THOC7: variants seen among roughly 807,000 people sequenced by gnomAD.
THOC7 encodes NIF3L1-binding protein 1.
A neutral mutation model predicts 33.1 loss-of-function variants in THOC7; 22 were observed. The ratio of observed to expected loss-of-function variants is 0.66; its 90% CI spans 0.47 to 0.95. The LOEUF is 0.95. Ranked by LOEUF, THOC7 falls within the 40% of genes least tolerant of loss-of-function variation. The probability of loss-of-function intolerance (pLI) is 0.00; values close to 1 mark genes in which losing one functional copy is unlikely to be tolerated. For missense variants in THOC7, 184 were observed against 245.3 expected (o/e 0.75, Z 1.67); for synonymous variants, 77 against 76.8 (o/e 1.00, Z -0.01).
chr3:63,842,396 A>C (rs144616686), intron 1 of THOC7, among the ~76,000 whole-genome samples: 91 of 152,332 alleles, frequency 6.0e-4, no homozygotes, highest in African/African-American at 2.1e-3. Context: ...TATGGAAAAC[A>C]AAATGAAGAG....
At chr3:63,835,491 A>G (rs1701612868) in intron 5 of THOC7, 101 bp from the exon 6 acceptor site, 1 of 1,064,744 alleles carries the variant, frequency 9.4e-7, no homozygotes, top group Admixed American at 2.4e-5. Flanking sequence ...TTAAAATAAA[A>G]AAAGGGCTTA....
Position 63,835,339 on chromosome 3 carries a change from T to G in THOC7, c.462A>C (p.Glu154Asp). The G allele has an allele frequency of 6.2e-7, 1 of 1,613,532 alleles. No individual in the cohort carries two copies. The highest frequency in any genetic ancestry group is 1.1e-5 in the South Asian group (1 of 91,034). The change falls in exon 6 of 8, where the codon GAA becomes GAC. Residue 154 changes from glutamate (E) to aspartate (D), a missense_variant. By Grantham distance (45) the Glu-to-Asp change is conservative. Around this residue, in one of 3 missense-constraint regions of THOC7, gnomAD observed 157 missense variants for 201.3 expected, o/e 0.78. Coordinates refer to ENST00000295899, the MANE Select transcript of THOC7 (RefSeq NM_025075.4). ...ATGCGAATACCTTATCTTCAACACT[T>G]TCTTTAATGTGTGAAAGATGCTCTA... ...KELEHLSHIKESVEDKLELRR... is the reference protein window; with the variant it reads ...KELEHLSHIKDSVEDKLELRR...
intron 1 of THOC7, among the ~76,000 whole-genome samples, chr3:63,842,586 A>G (rs1022423349): frequency 1.3e-5 from 2 of 152,194 alleles, no homozygotes; most frequent in African/African-American, 4.8e-5. Flanking sequence ...TTCTAAGTGA[A>G]GTAACTCAGG....
At position 63,863,805 on chromosome 3, in the gene THOC7, C is replaced by T; in HGVS notation, c.-15G>A. ...ACGGCTCCCATGGCGTGCGCGGCGG[C>T]GGCGGCGGCGGCGGCGGCGCAAGCT... On this transcript the variant is annotated 5_prime_UTR_variant, in exon 1 of 8. Transcript: ENST00000295899. 9.0e-7 allele frequency: 1 copy of T among 1,110,930 alleles called. No homozygotes were observed. The highest frequency in any genetic ancestry group is 3.3e-5 in the East Asian group (1 of 30,520). The allele number at this position is 1,110,930 out of a possible 1,614,324, so 68.8% of individuals were successfully genotyped here. A position where few individuals can be genotyped will look rare whatever the true frequency, so the allele number is the denominator to read the frequency against.
chr3:63,856,987 G>T (rs1396201879), intron 1 of THOC7, among the ~76,000 whole-genome samples: 1 of 152,166 alleles, frequency 6.6e-6, no homozygotes, highest in South Asian at 2.1e-4. Context: ...CCAAGTGCTG[G>T]GATTACAGGC....
In THOC7 at chr3:63,834,794, A is replaced by G. The variant is rs139397474; in HGVS notation, c.547+360T>C. Reference sequence around the variant, plus strand: ...TCTCCAGTTCCCCAAAGCACCCACTACTCAGTGGGTATGCAAATGTTCGTA... The same window carrying G: ...TCTCCAGTTCCCCAAAGCACCCACTGCTCAGTGGGTATGCAAATGTTCGTA... On this transcript the variant is annotated intron_variant, in intron 7 of 7. Coordinates refer to ENST00000295899, the MANE Select transcript of THOC7 (RefSeq NM_025075.4). 5.4e-3 allele frequency among the ~76,000 whole-genome samples: 829 copies of G among 152,246 alleles called. 22 individuals are homozygous for G. The highest frequency in any genetic ancestry group is 0.048 in the Admixed American group (726 of 15,282).
intron 1 of THOC7, among the ~76,000 whole-genome samples, chr3:63,858,462 A>C (rs1559610233): frequency 6.7e-6 from 1 of 148,472 alleles, no homozygotes; most frequent in Non-Finnish European, 1.5e-5. Context: ...TTTCTAAGTT[A>C]AAAAAAAAAG....
chr3:63,844,926 C>A, intron 1 of THOC7: 1 of 570,266 alleles, frequency 1.8e-6, no homozygotes, highest in Non-Finnish European at 3.2e-6. Flanking sequence ...TGCTATAATA[C>A]CTGAAAATGT....
chr3:63,857,653 G>C (rs961925547), intron 1 of THOC7, among the ~76,000 whole-genome samples: 7 of 152,196 alleles, frequency 4.6e-5, no homozygotes, highest in African/African-American at 1.7e-4. Flanking sequence ...TAAAAGGTGG[G>C]TGGAAGGAAC....
At chr3:63,851,947 C>T (rs938611089) in intron 1 of THOC7, among the ~76,000 whole-genome samples, 2 of 152,140 alleles carry the variant, frequency 1.3e-5, no homozygotes, top group Non-Finnish European at 2.9e-5. Context: ...GAACTATAGG[C>T]GGGTAGAATG....
At position 63,835,332 on chromosome 3, in the gene THOC7, C is replaced by T; in HGVS notation, c.469G>A (p.Glu157Lys). The change falls in exon 6 of 8, where the codon GAA becomes AAA. Residue 157 changes from glutamate to lysine, a missense_variant. By Grantham distance (56) the Glu-to-Lys change is moderately conservative (BLOSUM62 1). Transcript: ENST00000295899. The stretch of plus-strand genomic sequence containing the variant: ...AATATATATGCGAATACCTTATCTT[C>T]AACACTTTCTTTAATGTGTGAAAGA... ...EHLSHIKESV[E>K]DKLELRRKQF... 6.2e-7 allele frequency: 1 copy of T among 1,613,500 alleles called. No homozygotes were observed. The highest frequency in any genetic ancestry group is 8.5e-7 in the Non-Finnish European group (1 of 1,179,734).
At chr3:63,839,608 A>G (rs368913290) in intron 2 of THOC7, 48 bp downstream of exon 2, 1 of 1,543,924 alleles carries the variant, frequency 6.5e-7, no homozygotes, top group South Asian at 1.1e-5. Flanking sequence ...ATAGGGCCTA[A>G]AATCACATTA....
At chr3:63,859,250 A>T (rs1488612124) in intron 1 of THOC7, among the ~76,000 whole-genome samples, 1 of 152,256 alleles carries the variant, frequency 6.6e-6, no homozygotes, top group Non-Finnish European at 1.5e-5. Flanking sequence ...ATGATCTAAA[A>T]GATGAATTGG....
At chr3:63,858,013 G>GA (rs200721111) in intron 1 of THOC7, among the ~76,000 whole-genome samples, 9 of 150,190 alleles carry the variant, frequency 6.0e-5, no homozygotes, top group Admixed American at 2.0e-4. Flanking sequence ...TGGCACTAAT[G>GA]AAAAAAAAAC....
intron 4 of THOC7, among the ~76,000 whole-genome samples, chr3:63,837,155 C>T (rs1701652167): frequency 6.6e-6 from 1 of 151,800 alleles, no homozygotes; most frequent in African/African-American, 2.4e-5. Flanking sequence ...AAGTATGATT[C>T]TTTTGGATAC....
chr3:63,849,073 A>G (rs1220540201), intron 1 of THOC7, among the ~76,000 whole-genome samples: 1 of 152,214 alleles, frequency 6.6e-6, no homozygotes, highest in African/African-American at 2.4e-5. Context: ...CAGGAATACC[A>G]TATTTGAAAA....
At chr3:63,840,153 A>C (rs983533811) in intron 1 of THOC7, among the ~76,000 whole-genome samples, 1 of 152,212 alleles carries the variant, frequency 6.6e-6, no homozygotes, top group Non-Finnish European at 1.5e-5. Flanking sequence ...CCAATAATTC[A>C]TAGAGAACCT....
At chr3:63,859,787 A>G (rs954157563) in intron 1 of THOC7, among the ~76,000 whole-genome samples, 3 of 151,882 alleles carry the variant, frequency 2.0e-5, no homozygotes, top group African/African-American at 7.3e-5. Context: ...CACACATACC[A>G]CTCATTTCAG....
chr3:63,858,530 A>G (rs1702153330), intron 1 of THOC7, among the ~76,000 whole-genome samples: 1 of 151,934 alleles, frequency 6.6e-6, no homozygotes, highest in African/African-American at 2.4e-5. Flanking sequence ...TTCCACCCCA[A>G]CCCCTTTCTC....
Sources: gnomAD v4.1 joint callset for allele counts (sites outside exome capture counted in the v4.1 genomes callset) on GRCh38, gnomAD v4.1.1 for gene constraint, gnomAD v4.1.1 regional missense constraint, MANE v1.5 for transcripts, NCBI Gene and HGNC (gene_info 2026-07-23, HGNC 2026-07-21) for gene names.